COL15A1: variants seen among roughly 807,000 people sequenced by gnomAD.
COL15A1 encodes collagen type XV alpha 1 chain, also known as collagen alpha-1(XV) chain.
COL15A1 carries 111 observed loss-of-function variants against 165.9 expected under a neutral mutation model. The observed-to-expected ratio is 0.67, with a 90% CI of 0.57 to 0.78. The LOEUF (loss-of-function observed/expected upper bound fraction) is 0.78, where lower values mean the gene tolerates loss of function less well. Ranked by LOEUF, COL15A1 falls within the 30% of genes least tolerant of loss-of-function variation. The pLI is 0.00. For missense variants in COL15A1, 1,745 were observed against 1,789.7 expected, an observed-to-expected ratio of 0.98 and a Z score of 0.45; for synonymous variants, 659 against 674.8, an observed-to-expected ratio of 0.98 and a Z score of 0.36.
At chr9:99,019,955 C>T (rs138568678) in intron 11 of COL15A1, among the ~76,000 whole-genome samples, 4 of 152,210 alleles carry the variant, frequency 2.6e-5, no homozygotes, top group East Asian at 3.9e-4. Context: ...TGTCTTCAGA[C>T]GGGAGCCAGA....
chr9:98,957,163 C>T (rs926232731), intron 2 of COL15A1, among the ~76,000 whole-genome samples: 2 of 152,160 alleles, frequency 1.3e-5, no homozygotes, highest in African/African-American at 4.8e-5. Context: ...TCATCACAAG[C>T]GTCCTCAAAA....
chr9:99,022,572 T>C (rs912826272), intron 13 of COL15A1, among the ~76,000 whole-genome samples: 1 of 152,124 alleles, frequency 6.6e-6, no homozygotes, highest in Non-Finnish European at 1.5e-5. Context: ...TCCTCCTCTC[T>C]TGGGCGATGG....
intron 2 of COL15A1, among the ~76,000 whole-genome samples, chr9:98,954,899 G>A (rs1327853154): frequency 6.6e-6 from 1 of 152,208 alleles, no homozygotes; most frequent in Non-Finnish European, 1.5e-5. Flanking sequence ...CAAAAGAGCT[G>A]AGGGCTCCTC....
chr9:98,993,533 C>T (rs567905009), intron 5 of COL15A1, among the ~76,000 whole-genome samples: 55 of 152,328 alleles, frequency 3.6e-4, no homozygotes, highest in African/African-American at 1.2e-3. Flanking sequence ...CCACAGTTCA[C>T]GCTCTTCCAC....
chr9:99,042,786 C>T (rs567224014), intron 24 of COL15A1, among the ~76,000 whole-genome samples: 1 of 152,272 alleles, frequency 6.6e-6, no homozygotes, highest in East Asian at 1.9e-4. Flanking sequence ...GGTACCAAAC[C>T]TATTGTTGTG....
At position 98,984,252 on chromosome 9, in the gene COL15A1, G is replaced by A. The variant is rs569337986; in HGVS notation, c.101-1313G>A. ...CCCTCTCCCTGGGACTTGCCTTCCTGTCTCACTACTGGTACCTTGGATGTC... is the reference window on the plus strand; with the variant it reads ...CCCTCTCCCTGGGACTTGCCTTCCTATCTCACTACTGGTACCTTGGATGTC... On this transcript the variant is annotated intron_variant, in intron 2 of 41. Transcript: ENST00000375001. 3.9e-5 allele frequency among the ~76,000 whole-genome samples: 6 copies of A among 152,316 alleles called. No individual in the cohort carries two copies. In the East Asian group the frequency reaches 1.2e-3, roughly 29 times the overall value.
chr9:99,055,521 G>A, intron 34 of COL15A1, 149 bp downstream of exon 34: 1 of 615,492 alleles, frequency 1.6e-6, no homozygotes, highest in Non-Finnish European at 2.9e-6. Context: ...CATCCTTGTT[G>A]ATTGATGGGC....
intron 2 of COL15A1, among the ~76,000 whole-genome samples, chr9:98,963,227 A>G (rs1413294): frequency 0.31 from 46,405 of 151,990 alleles, 8,433 homozygotes; most frequent in African/African-American, 0.51. Context: ...CCATTTATGC[A>G]CCTTAGGTAG....
chr9:99,062,693 C>A (rs898017632), intron 38 of COL15A1, among the ~76,000 whole-genome samples: 2 of 152,184 alleles, frequency 1.3e-5, no homozygotes, highest in South Asian at 2.1e-4. Flanking sequence ...AGCCCTAGAG[C>A]AATGCTTTGA....
At position 99,036,355 on chromosome 9, in the gene COL15A1, G is replaced by T. The variant is rs753681922; in HGVS notation, c.2368G>T (p.Gly790Trp). 3.1e-6 allele frequency: 5 copies of T among 1,614,044 alleles called. No individual in the cohort carries two copies. The highest frequency in any genetic ancestry group is 4.2e-6 in the Non-Finnish European group (5 of 1,180,032). ...TGGAGCCAGTATTGTGGGACCCCCT[G>T]GGCCGAGAGGGCCACCTGGGCACAT... ...MDGASIVGPP[G>W]PRGPPGHIKV... Residue 790 changes from glycine (G) to tryptophan (W), a missense_variant, in exon 21 of 42, where the codon GGG becomes TGG. Transcript: ENST00000375001.
intron 8 of COL15A1, 142 bp downstream of exon 8, chr9:99,003,729 T>C (rs1217639378): frequency 2.2e-6 from 2 of 893,152 alleles, no homozygotes; most frequent in East Asian, 3.1e-5. Context: ...GAGTAAGCAC[T>C]AAATAGCATT....
intron 2 of COL15A1, among the ~76,000 whole-genome samples, chr9:98,983,276 G>T (rs1298677374): frequency 6.6e-6 from 1 of 152,174 alleles, no homozygotes. Context: ...TTCATGGGAA[G>T]TTTGAGTTCC....
At chr9:98,949,597 G>A (rs1421516765) in intron 2 of COL15A1, among the ~76,000 whole-genome samples, 1 of 152,160 alleles carries the variant, frequency 6.6e-6, no homozygotes, top group African/African-American at 2.4e-5. Context: ...TGATCTTACT[G>A]TAGCCTTAAT....
intron 9 of COL15A1, among the ~76,000 whole-genome samples, chr9:99,013,340 T>A (rs1838876341): frequency 6.6e-6 from 1 of 152,102 alleles, no homozygotes; most frequent in Non-Finnish European, 1.5e-5. Flanking sequence ...AGGGGCACCT[T>A]TCAGCTGGGA....
intron 9 of COL15A1, among the ~76,000 whole-genome samples, chr9:99,008,901 C>A (rs11515536): frequency 6.6e-6 from 1 of 152,140 alleles, no homozygotes; most frequent in Admixed American, 6.5e-5. Context: ...TGAGCCACTG[C>A]GCCTGGCTAC....
In COL15A1 at chr9:99,068,611, C is replaced by A; in HGVS notation, c.3894C>A (p.Phe1298Leu). The change falls in exon 41 of 42, where the codon TTC becomes TTA. Residue 1298 changes from phenylalanine to leucine, a missense_variant. Coordinates refer to ENST00000375001, the MANE Select transcript of COL15A1 (RefSeq NM_001855.5). ...TTTTTTCTGGCCACGGAGGTCAGTT[C>A]AATATGCATATTCCAATATACTCCT... ...DSIFSGHGGQ[F>L]NMHIPIYSFD... 6.4e-7 allele frequency: 1 copy of A among 1,555,992 alleles called. No individual in the cohort carries two copies. Among genetic ancestry groups the A allele is most frequent in the Non-Finnish European group, 8.6e-7 (1 of 1,160,380 alleles).
chr9:98,954,772 G>A (rs1002408862), intron 2 of COL15A1, among the ~76,000 whole-genome samples: 2 of 152,184 alleles, frequency 1.3e-5, no homozygotes, highest in African/African-American at 4.8e-5. Context: ...AACAGCATAT[G>A]AGAACGCCAA....
At chr9:99,025,855 T>G (rs1839114607) in intron 15 of COL15A1, 49 bp from the exon 16 acceptor site, 2 of 1,585,584 alleles carry the variant, frequency 1.3e-6, no homozygotes, top group African/African-American at 1.3e-5. Context: ...CGTGTGTATG[T>G]GATATTTAGC....
intron 9 of COL15A1, among the ~76,000 whole-genome samples, chr9:99,011,209 C>A (rs185485693): frequency 6.6e-6 from 1 of 151,946 alleles, no homozygotes; most frequent in East Asian, 1.9e-4. Context: ...TAGTTCAAAC[C>A]AATTCTTTAG....
Sources: gnomAD v4.1 joint callset for allele counts (sites outside exome capture counted in the v4.1 genomes callset) on GRCh38, gnomAD v4.1.1 for gene constraint, MANE v1.5 for transcripts, NCBI Gene and HGNC (gene_info 2026-07-23, HGNC 2026-07-21) for gene names.